The following SERPINA9 variants were observed in gnomAD, a reference collection of about 807,000 sequenced individuals.
SERPINA9 encodes serpin A9.
In SERPINA9, 32 loss-of-function variants were observed where a neutral mutation model predicts 24.5. The ratio of observed to expected loss-of-function variants is 1.30; its 90% confidence interval spans 0.98 to 1.75. The LOEUF (loss-of-function observed/expected upper bound fraction) is 1.75, where lower values mean the gene tolerates loss of function less well. Among genes scored for constraint, SERPINA9 ranks in the 40% most tolerant of loss-of-function variants. The pLI is 0.00. For synonymous variants in SERPINA9, 233 were observed against 197.7 expected, an observed-to-expected ratio of 1.18 and a Z score of -1.50; for missense variants, 594 against 497.1, an observed-to-expected ratio of 1.19 and a Z score of -1.85.
At position 94,471,433 on chromosome 14, in the gene SERPINA9, T is replaced by C. The variant is rs79573662; in HGVS notation, c.-17-1576A>G. Among the ~76,000 whole-genome samples the C allele has an allele frequency of 6.7e-3, 1,023 of 152,264 alleles. 12 individuals are homozygous for C. Among genetic ancestry groups the C allele is most frequent in the African/African-American group, 0.022 (927 of 41,544 alleles). On this transcript the variant is annotated intron_variant, in intron 1 of 4. Transcript: ENST00000674397. Reference sequence around the variant, plus strand: ...AATGTGACAGCCACATTCCCAACAATTTCTCTGTGGAAATGAAATATGTAA... The same window carrying C: ...AATGTGACAGCCACATTCCCAACAACTTCTCTGTGGAAATGAAATATGTAA...
intron 1 of SERPINA9, among the ~76,000 whole-genome samples, chr14:94,475,337 A>G (rs182783830): frequency 6.6e-6 from 1 of 152,142 alleles, no homozygotes; most frequent in Non-Finnish European, 1.5e-5. Context: ...CACCTTTTCC[A>G]TGTCCTTAAC....
intron 4 of SERPINA9, 30 bp downstream of exon 4, chr14:94,464,677 C>A (rs375921702): frequency 1.3e-6 from 2 of 1,583,328 alleles, no homozygotes. Flanking sequence ...CCAGCTTGGA[C>A]TTTTTTGCAA....
intron 4 of SERPINA9, among the ~76,000 whole-genome samples, chr14:94,463,643 A>G (rs1347211695): frequency 2.0e-5 from 3 of 152,216 alleles, no homozygotes; most frequent in African/African-American, 7.2e-5. Flanking sequence ...TTATTGTGTA[A>G]ATTAAGAGAG....
At chr14:94,475,278 G>A (rs922700285) in intron 1 of SERPINA9, among the ~76,000 whole-genome samples, 6 of 152,018 alleles carry the variant, frequency 3.9e-5, no homozygotes, top group Non-Finnish European at 5.9e-5. Flanking sequence ...TTATCCACCC[G>A]GCAACATGTA....
At chr14:94,475,890 A>T (rs1899612233) in intron 1 of SERPINA9, 2 of 521,554 alleles carry the variant, frequency 3.8e-6, no homozygotes, top group Middle Eastern at 5.1e-4. Flanking sequence ...CCAAATTTTC[A>T]AGAGCTGTGT....
chr14:94,474,683 C>T (rs1202977269), intron 1 of SERPINA9, among the ~76,000 whole-genome samples: 10 of 152,156 alleles, frequency 6.6e-5, no homozygotes, highest in East Asian at 1.9e-4. Context: ...GGCTGTGGCC[C>T]GGGTTTATGT....
At chr14:94,470,747 T>C (rs996160870) in intron 1 of SERPINA9, among the ~76,000 whole-genome samples, 1 of 152,240 alleles carries the variant, frequency 6.6e-6, no homozygotes, top group Admixed American at 6.5e-5. Context: ...TTACTTTTAC[T>C]GTTGTTTTGT....
intron 4 of SERPINA9, chr14:94,464,436 C>T: frequency 1.9e-6 from 1 of 530,310 alleles, no homozygotes; most frequent in South Asian, 2.9e-5. Context: ...GAGGTCAGAT[C>T]CTGAGGGAGC....
chr14:94,475,663 G>A (rs576065393), intron 1 of SERPINA9, among the ~76,000 whole-genome samples: 3 of 152,188 alleles, frequency 2.0e-5, no homozygotes, highest in East Asian at 1.9e-4. Flanking sequence ...CTGGGCCTTA[G>A]AAAGTATCTC....
At chr14:94,463,318 T>A in intron 4 of SERPINA9, 22 bp from the exon 5 acceptor site, 1 of 1,609,486 alleles carries the variant, frequency 6.2e-7, no homozygotes, top group South Asian at 1.1e-5. Flanking sequence ...AAAACAAACA[T>A]CAGTGGCCCT....
intron 1 of SERPINA9, 149 bp downstream of exon 1, chr14:94,475,987 G>A (rs562991326): frequency 4.3e-6 from 5 of 1,166,794 alleles, no homozygotes; most frequent in Admixed American, 2.1e-5. Flanking sequence ...TGACCCAGAT[G>A]CTACTAAAAG....
chr14:94,467,946 TAG>T (rs1324757743), intron 2 of SERPINA9, among the ~76,000 whole-genome samples: 11 of 149,456 alleles, frequency 7.4e-5, no homozygotes. Flanking sequence ...GATGGATGGA[TAG>T]ATGGATGAAC....
chr14:94,465,477 T>G (rs1039858525), intron 3 of SERPINA9, among the ~76,000 whole-genome samples: 1 of 152,228 alleles, frequency 6.6e-6, no homozygotes, highest in African/African-American at 2.4e-5. Context: ...GCACAATATT[T>G]TTTTTCCTCT....
chr14:94,464,322 TACAC>T (rs1374597443), intron 4 of SERPINA9: 1 of 210,878 alleles, frequency 4.7e-6, no homozygotes, highest in African/African-American at 2.4e-5. Context: ...TCTCTCTCCT[TACAC>T]ACTGAAGGCC....
At chr14:94,476,015 G>A (rs572810238) in intron 1 of SERPINA9, 121 bp downstream of exon 1, 16 of 1,477,040 alleles carry the variant, frequency 1.1e-5, no homozygotes, top group Non-Finnish European at 1.3e-5. Context: ...ATGTGTCTAG[G>A]TTCTCATCTT....
intron 1 of SERPINA9, among the ~76,000 whole-genome samples, chr14:94,475,474 A>G (rs1899559383): frequency 6.6e-6 from 1 of 151,690 alleles, no homozygotes; most frequent in Non-Finnish European, 1.5e-5. Flanking sequence ...TGAGCAGACA[A>G]CCTTGCCTCC....
chr14:94,468,442 A>G (rs1899124363), intron 2 of SERPINA9, among the ~76,000 whole-genome samples: 1 of 152,142 alleles, frequency 6.6e-6, no homozygotes, highest in Non-Finnish European at 1.5e-5. Flanking sequence ...CATCCATGAA[A>G]ACTCTGCCTG....
chr14:94,472,645 A>T (rs1303189064), intron 1 of SERPINA9, among the ~76,000 whole-genome samples: 1 of 152,206 alleles, frequency 6.6e-6, no homozygotes, highest in Non-Finnish European at 1.5e-5. Context: ...GTTCTTAAGG[A>T]GCCCACTGGG....
intron 1 of SERPINA9, among the ~76,000 whole-genome samples, chr14:94,472,699 G>A (rs184340470): frequency 6.6e-6 from 1 of 152,344 alleles, no homozygotes; most frequent in East Asian, 1.9e-4. Context: ...AGAAGTGTGT[G>A]TGTGTGATGA....
Sources: gnomAD v4.1 joint callset for allele counts (sites outside exome capture counted in the v4.1 genomes callset) on GRCh38, gnomAD v4.1.1 for gene constraint, MANE v1.5 for transcripts, NCBI Gene and HGNC (gene_info 2026-07-23, HGNC 2026-07-21) for gene names.